The following ITGA9 variants were observed in gnomAD, a reference collection of about 807,000 sequenced individuals.
ITGA9 encodes integrin alpha-9.
Under a neutral mutation model 127.8 loss-of-function variants are expected in ITGA9, and 56 were observed. The observed-to-expected ratio is 0.44, with a 90% CI of 0.35 to 0.55. The LOEUF (loss-of-function observed/expected upper bound fraction) is 0.55, where lower values mean the gene tolerates loss of function less well. Ranked by LOEUF, ITGA9 falls within the 20% of genes least tolerant of loss-of-function variation. ITGA9 has a pLI of 0.00. For synonymous variants in ITGA9, 508 were observed against 514.5 expected (o/e 0.99, Z 0.17); for missense variants, 1,196 against 1,347.1 (o/e 0.89, Z 1.76).
intron 17 of ITGA9, among the ~76,000 whole-genome samples, chr3:37,683,548 G>C (rs1040273772): frequency 6.6e-6 from 1 of 152,192 alleles, no homozygotes; most frequent in Non-Finnish European, 1.5e-5. Flanking sequence ...AGAAATAACC[G>C]CATGAATTCA....
At chr3:37,794,958 T>A (rs1239915220) in intron 26 of ITGA9, among the ~76,000 whole-genome samples, 2 of 152,222 alleles carry the variant, frequency 1.3e-5, no homozygotes, top group Non-Finnish European at 2.9e-5. Context: ...ATCTGAGGCA[T>A]GGTTCTGCTG....
chr3:37,737,952 AG>A (rs1410976025), intron 20 of ITGA9, among the ~76,000 whole-genome samples: 1 of 152,170 alleles, frequency 6.6e-6, no homozygotes, highest in Non-Finnish European at 1.5e-5. Context: ...TAAATACTTC[AG>A]TGTGCATTCC....
At chr3:37,811,311 G>A (rs1186478750) in intron 27 of ITGA9, among the ~76,000 whole-genome samples, 1 of 152,204 alleles carries the variant, frequency 6.6e-6, no homozygotes, top group African/African-American at 2.4e-5. Context: ...GAAGATGCCT[G>A]GGCCTGGCAT....
chr3:37,765,264 G>T (rs1172337341), intron 23 of ITGA9, among the ~76,000 whole-genome samples: 4 of 152,062 alleles, frequency 2.6e-5, no homozygotes, highest in Non-Finnish European at 5.9e-5. Flanking sequence ...CATGGCAGAG[G>T]TTGCCTTAAT....
At chr3:37,518,761 T>C (rs1699012731) in intron 10 of ITGA9, among the ~76,000 whole-genome samples, 1 of 148,842 alleles carries the variant, frequency 6.7e-6, no homozygotes, top group African/African-American at 2.5e-5. Context: ...CTTCTATAGT[T>C]TTCACTGTAC....
intron 15 of ITGA9, among the ~76,000 whole-genome samples, chr3:37,579,141 T>G (rs1699679893): frequency 6.6e-6 from 1 of 152,112 alleles, no homozygotes; most frequent in African/African-American, 2.4e-5. Context: ...GAGCCCCTCC[T>G]TCTCTTGACT....
intron 15 of ITGA9, among the ~76,000 whole-genome samples, chr3:37,549,040 G>A (rs1699354641): frequency 6.6e-6 from 1 of 152,232 alleles, no homozygotes; most frequent in Admixed American, 6.5e-5. Context: ...CACACAGATG[G>A]CACTAAGGAA....
intron 1 of ITGA9, among the ~76,000 whole-genome samples, chr3:37,468,251 A>G (rs1421062624): frequency 1.3e-5 from 2 of 150,844 alleles, no homozygotes; most frequent in African/African-American, 2.4e-5. Flanking sequence ...TGCTTCTCTC[A>G]CTCCCCAGCA....
intron 16 of ITGA9, among the ~76,000 whole-genome samples, chr3:37,653,331 TA>T (rs1335197106): frequency 6.6e-6 from 1 of 152,206 alleles, no homozygotes; most frequent in Non-Finnish European, 1.5e-5. Flanking sequence ...GACCAAACTA[TA>T]ATCTGAGAGT....
At chr3:37,582,430 A>G (rs1575157261) in intron 15 of ITGA9, among the ~76,000 whole-genome samples, 1 of 152,308 alleles carries the variant, frequency 6.6e-6, no homozygotes, top group East Asian at 1.9e-4. Context: ...TAAGGGGAGG[A>G]AGATGGCTAA....
At chr3:37,793,872 C>G (rs953450672) in intron 26 of ITGA9, among the ~76,000 whole-genome samples, 1 of 152,124 alleles carries the variant, frequency 6.6e-6, no homozygotes, top group African/African-American at 2.4e-5. Context: ...GGTAGTAACC[C>G]CAAGCCACTT....
intron 15 of ITGA9, among the ~76,000 whole-genome samples, chr3:37,612,302 A>C (rs1017402488): frequency 6.6e-6 from 1 of 152,242 alleles, no homozygotes; most frequent in Admixed American, 6.5e-5. Context: ...AATTACAAAG[A>C]AATTCAGTTA....
chr3:37,584,288 C>G (rs1437299274), intron 15 of ITGA9, among the ~76,000 whole-genome samples: 2 of 152,290 alleles, frequency 1.3e-5, no homozygotes, highest in Non-Finnish European at 2.9e-5. Context: ...ACATGTGAGA[C>G]CTCTTAAGGG....
intron 15 of ITGA9, among the ~76,000 whole-genome samples, chr3:37,604,440 C>A (rs896656780): frequency 1.6e-4 from 25 of 152,328 alleles, no homozygotes; most frequent in Non-Finnish European, 2.9e-5. Flanking sequence ...GTCTTAAAAG[C>A]AGTTCATGGG....
intron 9 of ITGA9, among the ~76,000 whole-genome samples, chr3:37,515,693 G>GTACT (rs1698977667): frequency 3.9e-5 from 6 of 152,190 alleles, no homozygotes; most frequent in Non-Finnish European, 7.3e-5. Context: ...CCGTGATCAT[G>GTACT]CCACTGTACT....
At chr3:37,689,107 A>C (rs1299075109) in intron 18 of ITGA9, among the ~76,000 whole-genome samples, 1 of 152,108 alleles carries the variant, frequency 6.6e-6, no homozygotes, top group Non-Finnish European at 1.5e-5. Context: ...TTTTGTGCAA[A>C]GTTACAGAGA....
chr3:37,753,365 A>C (rs1433552570), intron 23 of ITGA9, among the ~76,000 whole-genome samples: 3 of 152,226 alleles, frequency 2.0e-5, no homozygotes. Context: ...TAACAAATGC[A>C]ATAATGGAGG....
At chr3:37,737,965 A>G (rs1164611949) in intron 20 of ITGA9, among the ~76,000 whole-genome samples, 3 of 152,200 alleles carry the variant, frequency 2.0e-5, no homozygotes, top group Non-Finnish European at 4.4e-5. Context: ...GTGCATTCCC[A>G]AGAATGAGGC....
chr3:37,767,334 A>G (rs542144271), intron 23 of ITGA9, among the ~76,000 whole-genome samples: 49 of 152,066 alleles, frequency 3.2e-4, no homozygotes, highest in Non-Finnish European at 6.2e-4. Context: ...ACCTTTTCAG[A>G]CTCCATACCA....
Sources: gnomAD v4.1 joint callset for allele counts (sites outside exome capture counted in the v4.1 genomes callset) on GRCh38, gnomAD v4.1.1 for gene constraint, MANE v1.5 for transcripts, NCBI Gene and HGNC (gene_info 2026-07-23, HGNC 2026-07-21) for gene names.